STK32A: variants seen among roughly 807,000 people sequenced by gnomAD.
STK32A encodes the protein serine/threonine-protein kinase 32A.
STK32A carries 41 observed loss-of-function variants against 53.2 expected under a neutral mutation model. That is an observed-to-expected ratio of 0.77 (90% CI 0.60 to 1.00). The LOEUF is 1.00. STK32A is among the 50% of genes least tolerant of loss of function. The pLI, the probability that STK32A is intolerant of heterozygous loss-of-function variation, is 0.00. For missense variants in STK32A, 458 were observed against 485.8 expected (o/e 0.94, Z 0.54); for synonymous variants, 166 against 162.8 (o/e 1.02, Z -0.15).
downstream of STK32A, among the ~76,000 whole-genome samples, chr5:147,388,869 T>C (rs1208209416): frequency 6.6e-6 from 1 of 152,146 alleles, no homozygotes; most frequent in Non-Finnish European, 1.5e-5. Flanking sequence ...TGAGTTTAAG[T>C]GCTGACTATT....
chr5:147,239,226 C>T (rs1753459118), intron 1 of STK32A, among the ~76,000 whole-genome samples: 1 of 152,162 alleles, frequency 6.6e-6, no homozygotes, highest in South Asian at 2.1e-4. Context: ...ATAAAATCAG[C>T]ATATTTTCTC....
intron 4 of STK32A, among the ~76,000 whole-genome samples, chr5:147,320,594 A>G (rs1561717826): frequency 2.6e-5 from 4 of 152,246 alleles, no homozygotes; most frequent in Admixed American, 1.3e-4. Context: ...AGCATACAGG[A>G]AAATATTTTC....
chr5:147,324,604 T>A (rs116803653), intron 5 of STK32A, among the ~76,000 whole-genome samples: 2 of 152,080 alleles, frequency 1.3e-5, no homozygotes, highest in African/African-American at 4.8e-5. Context: ...TAAGAAACCA[T>A]AAAGCTATAG....
intron 4 of STK32A, among the ~76,000 whole-genome samples, chr5:147,307,928 T>C (rs1262847091): frequency 6.6e-6 from 1 of 152,098 alleles, no homozygotes; most frequent in African/African-American, 2.4e-5. Flanking sequence ...TCTGTTTTAA[T>C]TACTGTAGTT....
chr5:147,334,178 C>T (rs1468314036), intron 5 of STK32A, among the ~76,000 whole-genome samples: 3 of 152,312 alleles, frequency 2.0e-5, no homozygotes, highest in African/African-American at 7.2e-5. Context: ...AGAATTTCTT[C>T]TGCAGTCTCC....
intron 4 of STK32A, among the ~76,000 whole-genome samples, chr5:147,305,797 T>G (rs1035611411): frequency 4.6e-5 from 7 of 151,922 alleles, no homozygotes; most frequent in African/African-American, 1.7e-4. Flanking sequence ...TTTGGATCGT[T>G]TGCAATTTGA....
the STK32A span, chr5:147,394,266 T>G: frequency 1.2e-6 from 1 of 804,704 alleles, no homozygotes; most frequent in Middle Eastern, 3.7e-4. Flanking sequence ...AAACTTCCAT[T>G]CCAGTCTATC....
chr5:147,336,946 AT>A (rs1466531061), intron 5 of STK32A, among the ~76,000 whole-genome samples: 1 of 152,178 alleles, frequency 6.6e-6, no homozygotes, highest in African/African-American at 2.4e-5. Flanking sequence ...GAAGGAGTTG[AT>A]TTTGGTTTCG....
chr5:147,343,080 A>G (rs757385628), intron 6 of STK32A, 37 bp downstream of exon 6: 1 of 1,606,850 alleles, frequency 6.2e-7, no homozygotes, highest in Admixed American at 1.7e-5. Flanking sequence ...AGTACATGAC[A>G]TGCATGTAGA....
rs149877788 is a variant in STK32A, at chr5:147,358,380, G to A, written c.563-3137G>A. ...ACTTTGGTAAATAGTTTGGAGTTCT[G>A]TGGTACACAGAAAAGTTACACATTC... On this transcript the variant is annotated intron_variant, in intron 7 of 12. Transcript: ENST00000397936. 1.6e-3 allele frequency among the ~76,000 whole-genome samples: 240 copies of A among 152,152 alleles called. 1 individual carries two copies. The highest frequency in any genetic ancestry group is 5.3e-3 in the African/African-American group (222 of 41,508).
At chr5:147,319,977 A>G (rs930703428) in intron 4 of STK32A, among the ~76,000 whole-genome samples, 2 of 152,192 alleles carry the variant, frequency 1.3e-5, no homozygotes, top group Non-Finnish European at 2.9e-5. Context: ...GCCCATAACG[A>G]GAAATAATGT....
At chr5:147,333,541 A>C (rs10070932) in intron 5 of STK32A, among the ~76,000 whole-genome samples, 36,903 of 152,054 alleles carry the variant, frequency 0.24, 5,975 homozygotes, top group African/African-American at 0.46. Flanking sequence ...GCAAGACACT[A>C]AGCACCTCTG....
intron 2 of STK32A, among the ~76,000 whole-genome samples, chr5:147,267,285 T>C (rs577174533): frequency 6.6e-6 from 1 of 152,256 alleles, no homozygotes; most frequent in East Asian, 1.9e-4. Flanking sequence ...TTAAAGTTCA[T>C]AGCTAGTAAG....
intron 2 of STK32A, among the ~76,000 whole-genome samples, chr5:147,270,434 T>G (rs4235726): frequency 0.59 from 89,283 of 151,762 alleles, 26,633 homozygotes; most frequent in African/African-American, 0.67. Flanking sequence ...GGCTGGTCTC[T>G]AACTCCTGGG....
At chr5:147,354,126 C>T (rs1756115175) in intron 7 of STK32A, among the ~76,000 whole-genome samples, 1 of 152,114 alleles carries the variant, frequency 6.6e-6, no homozygotes, top group Non-Finnish European at 1.5e-5. Flanking sequence ...TGAACAACTG[C>T]AAATTTCATG....
At chr5:147,329,947 C>G (rs1428735395) in intron 5 of STK32A, among the ~76,000 whole-genome samples, 1 of 152,218 alleles carries the variant, frequency 6.6e-6, no homozygotes, top group Non-Finnish European at 1.5e-5. Flanking sequence ...TCGTCTTCAG[C>G]AAATTCTCAA....
At chr5:147,372,909 C>A (rs1402807610) in intron 9 of STK32A, among the ~76,000 whole-genome samples, 3 of 152,014 alleles carry the variant, frequency 2.0e-5, no homozygotes, top group African/African-American at 7.2e-5. Flanking sequence ...AACAAATTTG[C>A]CCTTAGTAAG....
intron 11 of STK32A, among the ~76,000 whole-genome samples, chr5:147,377,425 C>T (rs1055745340): frequency 6.6e-6 from 1 of 152,098 alleles, no homozygotes; most frequent in Non-Finnish European, 1.5e-5. Flanking sequence ...AGGACAATTT[C>T]TATCTGTTGA....
intron 7 of STK32A, among the ~76,000 whole-genome samples, chr5:147,359,203 T>G (rs555695668): frequency 2.0e-5 from 3 of 152,300 alleles, no homozygotes; most frequent in East Asian, 3.9e-4. Flanking sequence ...TGAAAGCCCT[T>G]CAATATCTTC....
Sources: gnomAD v4.1 joint callset for allele counts (sites outside exome capture counted in the v4.1 genomes callset) on GRCh38, gnomAD v4.1.1 for gene constraint, MANE v1.5 for transcripts, NCBI Gene and HGNC (gene_info 2026-07-23, HGNC 2026-07-21) for gene names.